Variants in MGAT5 observed in about 807,000 individuals in gnomAD.
The protein encoded by MGAT5 is alpha-1,6-mannosylglycoprotein 6-beta-N-acetylglucosaminyltransferase A.
Under a neutral mutation model 94.3 loss-of-function variants are expected in MGAT5, and 30 were observed. The observed-to-expected ratio is 0.32, with a 90% confidence interval of 0.24 to 0.43. The LOEUF (loss-of-function observed/expected upper bound fraction) is 0.43, where lower values mean the gene tolerates loss of function less well. MGAT5 is among the 20% of genes least tolerant of loss of function. The pLI, the probability that MGAT5 is intolerant of heterozygous loss-of-function variation, is 1.00. For missense variants in MGAT5, 691 were observed against 905.5 expected (o/e 0.76, Z 3.04); for synonymous variants, 310 against 322.9 (o/e 0.96, Z 0.43).
intron 2 of MGAT5, among the ~76,000 whole-genome samples, chr2:134,308,789 C>T (rs1686483775): frequency 6.6e-6 from 1 of 152,154 alleles, no homozygotes; most frequent in African/African-American, 2.4e-5. Context: ...AATCCCAGCA[C>T]TTTGGAAGGC....
At chr2:134,418,790 G>A (rs1024739744) in intron 12 of MGAT5, among the ~76,000 whole-genome samples, 1 of 152,160 alleles carries the variant, frequency 6.6e-6, no homozygotes, top group Non-Finnish European at 1.5e-5. Context: ...GACAAGTCGG[G>A]GATACCCCAA....
At chr2:134,216,959 G>A (rs1271552136) in intron 1 of MGAT5, among the ~76,000 whole-genome samples, 1 of 152,120 alleles carries the variant, frequency 6.6e-6, no homozygotes, top group South Asian at 2.1e-4. Flanking sequence ...GATGGGCTTG[G>A]CAGAAGACTA....
At position 134,160,612 on chromosome 2, in the gene MGAT5, A is replaced by C. The variant is rs116215357; in HGVS notation, c.-143+40321A>C. Among the ~76,000 whole-genome samples the C allele has an allele frequency of 7.6e-3, 1,159 of 152,336 alleles. 11 individuals carry two copies. The highest frequency in any genetic ancestry group is 0.026 in the African/African-American group (1,064 of 41,574). On this transcript the variant is annotated intron_variant, in intron 1 of 16. Transcript: ENST00000409645. ...GGTCCTCCACTTCCCCCACCAGAACATGATGCTGGTTTGTTGTGTGTAAGG... is the reference window on the plus strand; with the variant it reads ...GGTCCTCCACTTCCCCCACCAGAACCTGATGCTGGTTTGTTGTGTGTAAGG...
chr2:134,263,791 A>G lies in MGAT5; in HGVS notation c.242-6595A>G, dbSNP rs150222551. 5.6e-3 allele frequency among the ~76,000 whole-genome samples: 847 copies of G among 152,168 alleles called. 6 individuals are homozygous for G. The highest frequency in any genetic ancestry group is 0.017 in the Middle Eastern group (5 of 294). The stretch of plus-strand genomic sequence containing the variant: ...ACTTAATGCCTTTGTGACTTTGAAA[A>G]TAATGTGAATTTTTATGTAAAATTA... On this transcript the variant is annotated intron_variant, in intron 1 of 15. Transcript: ENST00000281923.
intron 12 of MGAT5, among the ~76,000 whole-genome samples, chr2:134,421,057 A>G (rs550571238): frequency 1.7e-3 from 261 of 152,330 alleles, no homozygotes; most frequent in African/African-American, 5.9e-3. Flanking sequence ...GTGTTTACGT[A>G]TGCCCACATA....
At chr2:134,215,242 G>A (rs746252139) in intron 1 of MGAT5, among the ~76,000 whole-genome samples, 6 of 152,178 alleles carry the variant, frequency 3.9e-5, no homozygotes, top group Non-Finnish European at 5.9e-5. Flanking sequence ...TCTAGTATAT[G>A]ATATACACAT....
At chr2:134,320,845 C>G (rs1687270836) in intron 4 of MGAT5, among the ~76,000 whole-genome samples, 1 of 152,188 alleles carries the variant, frequency 6.6e-6, no homozygotes, top group Non-Finnish European at 1.5e-5. Flanking sequence ...GTTTGCCCCT[C>G]TCTCAGACTA....
At chr2:134,378,915 C>T (rs1485859678) in intron 10 of MGAT5, among the ~76,000 whole-genome samples, 1 of 152,166 alleles carries the variant, frequency 6.6e-6, no homozygotes. Context: ...CGCGCCTGGC[C>T]TGGATTACCT....
intron 1 of MGAT5, among the ~76,000 whole-genome samples, chr2:134,143,251 A>G (rs1686744371): frequency 6.6e-6 from 1 of 152,110 alleles, no homozygotes; most frequent in Non-Finnish European, 1.5e-5. Context: ...AATGTTTTGG[A>G]ACTAGATAGA....
intron 1 of MGAT5, among the ~76,000 whole-genome samples, chr2:134,176,766 AG>A (rs1242126439): frequency 4.6e-5 from 7 of 152,312 alleles, no homozygotes; most frequent in African/African-American, 1.4e-4. Flanking sequence ...ATCATAGAGC[AG>A]AAACAAATAC....
rs1310457957 is a variant in MGAT5, at chr2:134,449,782, A to G, written c.*935A>G. 2.0e-5 allele frequency: 3 copies of G among 152,240 alleles called. No individual in the cohort carries two copies. Among genetic ancestry groups the G allele is most frequent in the South Asian group, 2.1e-4 (1 of 4,828 alleles). The allele number at this position is 152,240 out of a possible 1,614,324, so 9.4% of individuals were successfully genotyped here. ...GCTGTTCATGGACTTGGAGAGGATT[A>G]TCTTTGAGCCAAGATTTGGACAGGA... On this transcript the variant is annotated 3_prime_UTR_variant, in exon 16 of 16. Coordinates refer to ENST00000281923, the MANE Select transcript of MGAT5 (RefSeq NM_002410.5).
chr2:134,252,127 G>A (rs1682643379), upstream of MGAT5, among the ~76,000 whole-genome samples: 1 of 152,220 alleles, frequency 6.6e-6, no homozygotes, highest in Non-Finnish European at 1.5e-5. Context: ...ACTAGGAAAG[G>A]AACACTGCAG....
intron 9 of MGAT5, among the ~76,000 whole-genome samples, chr2:134,359,024 G>A (rs1195724695): frequency 6.6e-6 from 1 of 152,146 alleles, no homozygotes; most frequent in African/African-American, 2.4e-5. Context: ...CTTCCAAAGT[G>A]CTTAAAATAG....
At chr2:134,133,312 C>T (rs532033255) in intron 1 of MGAT5, among the ~76,000 whole-genome samples, 41 of 152,342 alleles carry the variant, frequency 2.7e-4, no homozygotes, top group African/African-American at 9.6e-4. Context: ...GGCCAAATTT[C>T]TCCAATACCT....
rs1683866393 is a variant in MGAT5 at position 134,268,898 on chromosome 2, T to C, written c.242-1488T>C. Among the ~76,000 whole-genome samples, 1 of 152,180 alleles carries C rather than the reference T, an allele frequency of 6.6e-6. No individual in the cohort carries two copies. On this transcript the variant is annotated intron_variant, in intron 1 of 15. Transcript: ENST00000281923. This position sits in a 1 kb window ranked among gnomAD's most constrained non-coding sequence, Gnocchi z 4.1. The stretch of plus-strand genomic sequence containing the variant: ...CCACTGTGTTATGGATGAAAGACTC[T>C]GAACTTCACCCTTGGTTTCTTTTTT...
intron 4 of MGAT5, among the ~76,000 whole-genome samples, chr2:134,319,314 C>T (rs967464593): frequency 6.6e-6 from 1 of 152,124 alleles, no homozygotes; most frequent in Non-Finnish European, 1.5e-5. Flanking sequence ...TTCTCACCTA[C>T]ACTTGTTATT....
At chr2:134,161,961 C>A (rs1465172948) in intron 1 of MGAT5, among the ~76,000 whole-genome samples, 1 of 151,738 alleles carries the variant, frequency 6.6e-6, no homozygotes, top group African/African-American at 2.4e-5. Flanking sequence ...GAGGCTGAGG[C>A]GGGCAGATCA....
chr2:134,225,099 AAAATG>A lies in MGAT5; in HGVS notation c.-142-29162_-142-29158del, dbSNP rs1680992093. ...TCACAAAAAAAAAAAAAAAAAAAAA[AAAATG>A]CGGTGGAAATCGGGGGGGAATTTCC... is the stretch of plus-strand genomic sequence containing the variant. On this transcript the variant is annotated intron_variant, in intron 1 of 16. Transcript: ENST00000409645. Among the ~76,000 whole-genome samples the A allele has an allele frequency of 1.2e-4, 18 of 151,614 alleles. No individual in the cohort carries two copies. The South Asian group carries it at 3.8e-3, about 32-fold the overall frequency.
intron 4 of MGAT5, among the ~76,000 whole-genome samples, chr2:134,332,474 C>T (rs930495619): frequency 1.3e-5 from 2 of 152,168 alleles, no homozygotes; most frequent in African/African-American, 2.4e-5. Flanking sequence ...AGACCTAAAA[C>T]CATAAAATCC....
Sources: gnomAD v4.1 joint callset for allele counts (sites outside exome capture counted in the v4.1 genomes callset) on GRCh38, gnomAD v4.1.1 for gene constraint, Gnocchi (gnomAD v3.1) non-coding constraint, MANE v1.5 for transcripts, NCBI Gene and HGNC (gene_info 2026-07-23, HGNC 2026-07-21) for gene names.